Variants in LINGO2 observed in about 807,000 individuals in gnomAD.
LINGO2 encodes leucine-rich repeat and immunoglobulin-like domain-containing nogo receptor-interacting protein 2.
A neutral mutation model predicts 30.6 loss-of-function variants in LINGO2; 14 were observed. That is an observed-to-expected ratio of 0.46 (90% CI 0.30 to 0.72). LINGO2 has a LOEUF of 0.72. Among genes scored for constraint, LINGO2 ranks in the 30% least tolerant of loss-of-function variants. The pLI is 0.07. For synonymous variants in LINGO2, 317 were observed against 288.5 expected, an observed-to-expected ratio of 1.10 and a Z score of -1.00; for missense variants, 729 against 751.7, an observed-to-expected ratio of 0.97 and a Z score of 0.35.
At chr9:28,482,341 C>T (rs1209035281) in intron 1 of LINGO2, among the ~76,000 whole-genome samples, 10 of 152,168 alleles carry the variant, frequency 6.6e-5, no homozygotes, top group East Asian at 1.9e-4. Flanking sequence ...TGGTATCTCA[C>T]TGTGGTTTTG....
At chr9:29,114,034 A>G in the LINGO2 span, among the ~76,000 whole-genome samples, 1 of 151,984 alleles carries the variant, frequency 6.6e-6, no homozygotes, top group African/African-American at 2.4e-5. Flanking sequence ...CTCTCAGCTA[A>G]CAAGCATAAT....
At chr9:28,683,353 C>T in the LINGO2 span, among the ~76,000 whole-genome samples, 2 of 152,102 alleles carry the variant, frequency 1.3e-5, no homozygotes, top group African/African-American at 4.8e-5. Flanking sequence ...ATACCAATAT[C>T]TACATGGGTA....
intron 4 of LINGO2, among the ~76,000 whole-genome samples, chr9:28,250,533 G>T (rs774603129): frequency 6.6e-6 from 1 of 152,130 alleles, no homozygotes; most frequent in Non-Finnish European, 1.5e-5. Flanking sequence ...GGGCAGTTTT[G>T]CAGGACAGAA....
Position 28,564,627 on chromosome 9 carries a change from G to A in LINGO2, c.-364-88602C>T, listed in dbSNP as rs571236497. 1.1e-4 allele frequency among the ~76,000 whole-genome samples: 16 copies of A among 152,164 alleles called. No homozygotes were observed. In the South Asian group the frequency reaches 3.3e-3, roughly 32 times the overall value. ...ACCACTGCTGTCACACATGCTGTAT[G>A]CCCAAATTCTTTATCTTGAATCTTA... On this transcript the variant is annotated intron_variant, in intron 1 of 5. Coordinates refer to ENST00000379992, the Ensembl canonical transcript of LINGO2.
the LINGO2 span, among the ~76,000 whole-genome samples, chr9:29,204,906 C>T: frequency 6.6e-6 from 1 of 152,134 alleles, no homozygotes; most frequent in Non-Finnish European, 1.5e-5. Flanking sequence ...TAGTGTTTCA[C>T]CATTAAGTAT....
intron 4 of LINGO2, among the ~76,000 whole-genome samples, chr9:28,035,377 T>G (rs1823880289): frequency 6.6e-6 from 1 of 152,224 alleles, no homozygotes; most frequent in African/African-American, 2.4e-5. Flanking sequence ...CTCAAAACAA[T>G]TCAATAATTT....
chr9:28,915,422 C>A, the LINGO2 span, among the ~76,000 whole-genome samples: 10 of 151,952 alleles, frequency 6.6e-5, no homozygotes, highest in East Asian at 5.9e-4. Flanking sequence ...GAGAATCTAC[C>A]TTAGTAACAT....
chr9:28,770,283 G>C, the LINGO2 span, among the ~76,000 whole-genome samples: 1 of 152,092 alleles, frequency 6.6e-6, no homozygotes, highest in African/African-American at 2.4e-5. Context: ...AGCAGCTATT[G>C]TCAAGTTAGC....
rs1028469583 is a variant in LINGO2 at position 28,148,262 on chromosome 9, T to A, written c.-86-135857A>T. On this transcript the variant is annotated intron_variant, in intron 4 of 5. Transcript: ENST00000379992. The surrounding 1 kb of genome is among the most constrained non-coding windows in gnomAD (Gnocchi z 5.1). ...CATGGGCACCCCACAGAGGGTCCTGTCTCCTGTGGTCTGGAGCCCCGCCTC... is the reference window on the plus strand; with the variant it reads ...CATGGGCACCCCACAGAGGGTCCTGACTCCTGTGGTCTGGAGCCCCGCCTC... The A allele has an allele frequency of 2.9e-5, 22 of 754,152 alleles. No homozygotes were observed. The African/African-American group carries it at 3.8e-4, about 13-fold the overall frequency. 46.7% of individuals were successfully genotyped at this position (754,152 alleles called of 1,614,324 possible). A position where few individuals can be genotyped will look rare whatever the true frequency, so the allele number is the denominator to read the frequency against.
chr9:28,621,512 C>G (rs1826393349), intron 1 of LINGO2, among the ~76,000 whole-genome samples: 1 of 151,584 alleles, frequency 6.6e-6, no homozygotes, highest in Non-Finnish European at 1.5e-5. Flanking sequence ...CCTGTCACCA[C>G]AGGTTAGTTT....
chr9:28,003,590 T>C (rs1225083887), intron 5 of LINGO2, among the ~76,000 whole-genome samples: 1 of 152,138 alleles, frequency 6.6e-6, no homozygotes, highest in Non-Finnish European at 1.5e-5. Context: ...GCCTCCTGAG[T>C]AGCTGGGACT....
intron 1 of LINGO2, among the ~76,000 whole-genome samples, chr9:28,543,254 T>C (rs57450165): frequency 0.024 from 3,705 of 152,224 alleles, 138 homozygotes; most frequent in African/African-American, 0.077. Flanking sequence ...TTTAAACTTA[T>C]GTTTTACTTA....
chr9:28,199,498 T>C (rs1382887044), intron 4 of LINGO2, among the ~76,000 whole-genome samples: 5 of 151,784 alleles, frequency 3.3e-5, no homozygotes, highest in Non-Finnish European at 2.9e-5. Context: ...GCCACCACGC[T>C]CGGCTAATTT....
At chr9:28,481,671 G>A (rs1358874915) in intron 1 of LINGO2, among the ~76,000 whole-genome samples, 1 of 151,852 alleles carries the variant, frequency 6.6e-6, no homozygotes, top group African/African-American at 2.4e-5. Context: ...TGTGCACAAT[G>A]TGCAGGTTAG....
At chr9:29,178,486 G>A in the LINGO2 span, among the ~76,000 whole-genome samples, 3 of 152,042 alleles carry the variant, frequency 2.0e-5, no homozygotes, top group African/African-American at 4.8e-5. Flanking sequence ...ATTGTACTAA[G>A]CATAGAGGAG....
At chr9:28,591,925 G>A (rs1337923379) in intron 1 of LINGO2, among the ~76,000 whole-genome samples, 2 of 151,954 alleles carry the variant, frequency 1.3e-5, no homozygotes, top group Admixed American at 6.6e-5. Flanking sequence ...GCTTCACAAT[G>A]AGCTTCCTGG....
chr9:29,117,431 G>T, the LINGO2 span, among the ~76,000 whole-genome samples: 1 of 152,132 alleles, frequency 6.6e-6, no homozygotes, highest in African/African-American at 2.4e-5. Flanking sequence ...GAAATGTTAA[G>T]TCAGCTTCAG....
rs1447420104 is a variant in LINGO2 at position 28,147,524 on chromosome 9, G to A, written c.-86-135119C>T. On this transcript the variant is annotated intron_variant, in intron 4 of 5. Transcript: ENST00000379992. This position sits in a 1 kb window ranked among gnomAD's most constrained non-coding sequence, Gnocchi z 4.7. ...AGCACAGAGGCACTGGAGAGGCCCCGGGGGAGCCTGGCGGGATCTGGCTGG... is the reference window on the plus strand; with the variant it reads ...AGCACAGAGGCACTGGAGAGGCCCCAGGGGAGCCTGGCGGGATCTGGCTGG... Among the ~76,000 whole-genome samples the A allele has an allele frequency of 1.3e-5, 2 of 152,164 alleles. No individual in the cohort carries two copies. The highest frequency in any genetic ancestry group is 4.1e-4 in the South Asian group (2 of 4,828).
chr9:29,031,352 G>A, the LINGO2 span, among the ~76,000 whole-genome samples: 7 of 151,702 alleles, frequency 4.6e-5, no homozygotes, highest in Non-Finnish European at 8.8e-5. Flanking sequence ...GCGCCATCTC[G>A]GCCCACTGTA....
Sources: gnomAD v4.1 joint callset for allele counts (sites outside exome capture counted in the v4.1 genomes callset) on GRCh38, gnomAD v4.1.1 for gene constraint, Gnocchi (gnomAD v3.1) non-coding constraint, MANE v1.5 for transcripts, NCBI Gene and HGNC (gene_info 2026-07-23, HGNC 2026-07-21) for gene names.